The following HORMAD1 variants were observed in gnomAD, a reference collection of about 807,000 sequenced individuals.
The protein encoded by HORMAD1 is HORMA domain-containing protein 1.
Under a neutral mutation model 58.2 loss-of-function variants are expected in HORMAD1, and 33 were observed. That is an observed-to-expected ratio of 0.57 (90% CI 0.43 to 0.76). The LOEUF (loss-of-function observed/expected upper bound fraction) is 0.76, where lower values mean the gene tolerates loss of function less well. Ranked by LOEUF, HORMAD1 falls within the 30% of genes least tolerant of loss-of-function variation. The pLI is 0.00. For synonymous variants in HORMAD1, 137 were observed against 144.6 expected, an observed-to-expected ratio of 0.95 and a Z score of 0.38; for missense variants, 363 against 462.0, an observed-to-expected ratio of 0.79 and a Z score of 1.96.
intron 7 of HORMAD1, 29 bp downstream of exon 7, chr1:150,711,516 T>C (rs587727852): frequency 2.4e-5 from 36 of 1,518,426 alleles, no homozygotes; most frequent in Admixed American, 1.4e-4. Flanking sequence ...AGAGGCATTA[T>C]GTTTCTTTAG....
intron 2 of HORMAD1, among the ~76,000 whole-genome samples, chr1:150,718,564 T>TA (rs1181295007): frequency 6.6e-6 from 1 of 152,174 alleles, no homozygotes; most frequent in Non-Finnish European, 1.5e-5. Flanking sequence ...TAACAGAGGT[T>TA]AAGTGTAATG....
intron 13 of HORMAD1, among the ~76,000 whole-genome samples, chr1:150,703,086 T>C (rs1651583372): frequency 6.6e-6 from 1 of 152,232 alleles, no homozygotes; most frequent in Non-Finnish European, 1.5e-5. Flanking sequence ...TTCAGACTTC[T>C]ATAATGGCTC....
Position 150,706,601 on chromosome 1 carries a change from T to A in HORMAD1, c.756A>T (p.Lys252Asn). 1.2e-6 allele frequency: 2 copies of A among 1,612,676 alleles called. No individual in the cohort carries two copies. Among genetic ancestry groups the A allele is most frequent in the Non-Finnish European group, 1.7e-6 (2 of 1,178,948 alleles). ...SPKQIKTPFQ[K>N]ILRDKDVEDE... ...CTTCTACATCTTTGTCCCTCAGGAT[T>A]TTTTGAAATGGTGTTTTTATTTGTT... Residue 252 changes from lysine to asparagine, a missense_variant, in exon 10 of 15, where the codon AAA (lysine) becomes AAT (asparagine). Around this residue, in one of 3 missense-constraint regions of HORMAD1, gnomAD observed 226 missense variants for 257.8 expected, o/e 0.88. Transcript: ENST00000361824.
chr1:150,720,341 G>T (rs587771652), intron 1 of HORMAD1, among the ~76,000 whole-genome samples: 5 of 152,242 alleles, frequency 3.3e-5, no homozygotes, highest in South Asian at 4.1e-4. Context: ...GATTATAGGC[G>T]TGAAGCACCG....
At chr1:150,711,920 A>T (rs1304295966) in intron 5 of HORMAD1, 67 bp from the exon 6 acceptor site, 1 of 1,070,990 alleles carries the variant, frequency 9.3e-7, no homozygotes, top group Non-Finnish European at 1.4e-6. Context: ...TACGAATCAT[A>T]AGAATTCTTT....
intron 5 of HORMAD1, 199 bp downstream of exon 5, chr1:150,713,886 T>G (rs2101879930): frequency 1.8e-6 from 1 of 557,952 alleles, no homozygotes; most frequent in East Asian, 3.5e-5. Context: ...TTGGAAAAAT[T>G]TGTTTAGTGT....
In HORMAD1 at chr1:150,708,267, T is replaced by TA; in HGVS notation, c.535dup (p.Tyr179LeufsTer3). On this transcript the variant is annotated frameshift_variant, in exon 9 of 15. Coordinates refer to ENST00000361824, the MANE Select transcript of HORMAD1 (RefSeq NM_032132.5). LOFTEE classifies it high-confidence loss of function. ...ATTGCAAATAGTACCTTCATCATAG[T>TA]AAAAAAGTTTCATGGTCAAACAAAC... The TA allele has an allele frequency of 6.2e-7, 1 of 1,603,660 alleles. No individual in the cohort carries two copies. Among genetic ancestry groups the TA allele is most frequent in the Non-Finnish European group, 8.5e-7 (1 of 1,175,380 alleles).
At chr1:150,703,826 C>T (rs781684042) in intron 12 of HORMAD1, among the ~76,000 whole-genome samples, 1 of 152,036 alleles carries the variant, frequency 6.6e-6, no homozygotes, top group Non-Finnish European at 1.5e-5. Context: ...TTATATATTC[C>T]ACTTATAAAT....
In HORMAD1 at chr1:150,711,284, TTTAAG is replaced by T. The variant is rs1006022256; in HGVS notation, c.327+256_327+260del. Among the ~76,000 whole-genome samples the T allele has an allele frequency of 8.1e-4, 123 of 152,242 alleles. 1 individual carries two copies. Among genetic ancestry groups the T allele is most frequent in the African/African-American group, 1.2e-4 (5 of 41,550 alleles). ...CTATAAAGAATTAGACGTCAGGAGATTTAAGTTAAGTTTCTAACAGTTTGTAAGCT... is the reference window on the plus strand; with the variant it reads ...CTATAAAGAATTAGACGTCAGGAGATTTAAGTTTCTAACAGTTTGTAAGCT... On this transcript the variant is annotated intron_variant, in intron 7 of 14. Transcript: ENST00000361824.
At chr1:150,714,035 G>A in intron 5 of HORMAD1, 50 bp downstream of exon 5, 1 of 1,132,788 alleles carries the variant, frequency 8.8e-7, no homozygotes. Flanking sequence ...AGTTATATTT[G>A]TAGATCATAA....
chr1:150,700,788 T>G (rs946379975), intron 13 of HORMAD1, among the ~76,000 whole-genome samples: 1 of 152,326 alleles, frequency 6.6e-6, no homozygotes, highest in Admixed American at 6.5e-5. Flanking sequence ...TAGCATGTAT[T>G]GGCACTTCAT....
rs587679390 is a variant in HORMAD1 at position 150,719,729 on chromosome 1, A to G, written c.-33-191T>C. On this transcript the variant is annotated intron_variant, in intron 1 of 14. Coordinates refer to ENST00000361824, the MANE Select transcript of HORMAD1 (RefSeq NM_032132.5). ...TTGAGTAGGGTCCTGATTTGAAGCC[A>G]TTTGACTAGCAAGTCTCAAACAAAT... Among the ~76,000 whole-genome samples, 15 of 152,342 alleles carry G rather than the reference A, an allele frequency of 9.8e-5. No homozygotes were observed. In the East Asian group the frequency reaches 2.9e-3, roughly 29 times the overall value.
intron 3 of HORMAD1, among the ~76,000 whole-genome samples, chr1:150,716,341 T>G (rs1228512339): frequency 1.6e-4 from 24 of 151,648 alleles, no homozygotes; most frequent in Non-Finnish European, 5.9e-5. Flanking sequence ...TTTGTATTTT[T>G]AGTAGAGACG....
intron 4 of HORMAD1, 98 bp from the exon 5 acceptor site, chr1:150,714,219 A>G: frequency 1.4e-6 from 1 of 707,254 alleles, no homozygotes; most frequent in Non-Finnish European, 2.4e-6. Flanking sequence ...TAAATAATAC[A>G]AAAATGTCTT....
intron 13 of HORMAD1, among the ~76,000 whole-genome samples, chr1:150,702,695 G>C (rs1651572762): frequency 6.6e-6 from 1 of 152,162 alleles, no homozygotes; most frequent in South Asian, 2.1e-4. Context: ...GATAAACAAT[G>C]AGAACACATG....
At position 150,704,272 on chromosome 1, in the gene HORMAD1, C is replaced by A; in HGVS notation, c.871+5G>T. On this transcript the variant is annotated splice_donor_5th_base_variant and intron_variant, in intron 11 of 14. Transcript: ENST00000361824. ...AGTTAATGTACATTTTCATTAACTTCTTACCTTCAAGTTCAGAAGATGCAG... is the reference window on the plus strand; with the variant it reads ...AGTTAATGTACATTTTCATTAACTTATTACCTTCAAGTTCAGAAGATGCAG... 2 of 1,585,920 alleles carry A rather than the reference C, an allele frequency of 1.3e-6. No homozygotes were observed. Among genetic ancestry groups the A allele is most frequent in the Non-Finnish European group, 1.7e-6 (2 of 1,166,734 alleles).
intron 13 of HORMAD1, among the ~76,000 whole-genome samples, chr1:150,701,248 A>T (rs777398550): frequency 8.5e-5 from 13 of 152,186 alleles, no homozygotes; most frequent in African/African-American, 1.2e-4. Flanking sequence ...CCTATATCCT[A>T]GTAAAGGTTA....
At chr1:150,698,853 C>G in intron 14 of HORMAD1, 119 bp from the exon 15 acceptor site, 1 of 574,298 alleles carries the variant, frequency 1.7e-6, no homozygotes, top group Non-Finnish European at 3.1e-6. Flanking sequence ...GCCTAGCATA[C>G]CTAGCATAAC....
At position 150,714,642 on chromosome 1, in the gene HORMAD1, C is replaced by CT; in HGVS notation, c.214_215insA (p.Cys72Ter). The change falls in exon 4 of 15, where the codon TGC becomes TAGC. Residue 72 changes from cysteine to a stop codon, truncating the protein, a stop_gained and frameshift_variant. Transcript: ENST00000361824. LOFTEE classifies it high-confidence loss of function. ...TTTCACTAACTGTGTAGATCCTGGG[C>CT]AATTTTTATCTTCTCTCAGTATTTT... ...CVKILREDKN[C>*]PGSTQLVKWM... The CT allele has an allele frequency of 7.1e-7, 1 of 1,408,918 alleles. No individual in the cohort carries two copies. The highest frequency in any genetic ancestry group is 9.5e-7 in the Non-Finnish European group (1 of 1,057,470). 87.3% of individuals were successfully genotyped at this position (1,408,918 alleles called of 1,614,324 possible).
Sources: allele counts gnomAD v4.1 joint callset (sites outside exome capture counted in the v4.1 genomes callset), GRCh38; gene constraint gnomAD v4.1.1; regional missense constraint gnomAD v4.1.1; transcripts MANE v1.5; gene names NCBI Gene and HGNC (gene_info 2026-07-23, HGNC 2026-07-21).